The following NKAIN3 variants were observed in gnomAD, a reference collection of about 807,000 sequenced individuals.
NKAIN3 encodes the protein sodium/potassium transporting ATPase interacting 3.
In NKAIN3, 25 loss-of-function variants were observed where a neutral mutation model predicts 30.2. That is an observed-to-expected ratio of 0.83 (90% CI 0.60 to 1.16). The LOEUF (loss-of-function observed/expected upper bound fraction) is 1.16. NKAIN3 is among the 50% of genes most tolerant of loss of function. NKAIN3 has a pLI of 0.00. For synonymous variants in NKAIN3, 91 were observed against 89.6 expected (o/e 1.02, Z -0.09); for missense variants, 225 against 254.1 (o/e 0.89, Z 0.78).
chr8:62,410,863 GA>G (rs35802058), intron 1 of NKAIN3, among the ~76,000 whole-genome samples: 2 of 151,390 alleles, frequency 1.3e-5, no homozygotes, highest in African/African-American at 4.9e-5. Context: ...AATTGAGTCA[GA>G]AAAAAAACAA....
intron 1 of NKAIN3, among the ~76,000 whole-genome samples, chr8:62,466,778 T>C (rs2129599802): frequency 6.6e-6 from 1 of 152,324 alleles, no homozygotes; most frequent in South Asian, 2.1e-4. Context: ...ATGCATATTC[T>C]TCTTTTGCAA....
At chr8:62,718,127 T>C (rs1006916551) in intron 3 of NKAIN3, among the ~76,000 whole-genome samples, 5 of 152,104 alleles carry the variant, frequency 3.3e-5, no homozygotes, top group Admixed American at 1.3e-4. Flanking sequence ...ATCACGAGAA[T>C]AGCATGAGAA....
At chr8:62,622,377 T>A (rs1811644188) in intron 3 of NKAIN3, among the ~76,000 whole-genome samples, 1 of 152,076 alleles carries the variant, frequency 6.6e-6, no homozygotes, top group South Asian at 2.1e-4. Flanking sequence ...TTTTCTAGAA[T>A]GACTGTACCA....
chr8:62,860,228 A>G (rs774188459), intron 4 of NKAIN3, among the ~76,000 whole-genome samples: 2 of 152,186 alleles, frequency 1.3e-5, no homozygotes, highest in African/African-American at 2.4e-5. Context: ...TACAGGCCAC[A>G]TGGTATGGTA....
intron 1 of NKAIN3, among the ~76,000 whole-genome samples, chr8:62,465,751 G>A (rs1336239713): frequency 2.0e-5 from 3 of 152,096 alleles, no homozygotes; most frequent in Non-Finnish European, 4.4e-5. Flanking sequence ...TTTAGGGCAC[G>A]GTAGCTCACG....
intron 3 of NKAIN3, among the ~76,000 whole-genome samples, chr8:62,671,937 G>C (rs921282718): frequency 6.6e-6 from 1 of 152,104 alleles, no homozygotes; most frequent in Non-Finnish European, 1.5e-5. Context: ...GGTCTGACTG[G>C]TCTGGATTAG....
intron 1 of NKAIN3, among the ~76,000 whole-genome samples, chr8:62,359,678 G>A (rs1816485296): frequency 6.6e-6 from 1 of 152,154 alleles, no homozygotes; most frequent in Non-Finnish European, 1.5e-5. Flanking sequence ...GTCTTTTGTT[G>A]GAAGCCAGAG....
intron 1 of NKAIN3, among the ~76,000 whole-genome samples, chr8:62,413,112 C>CA (rs1264669637): frequency 3.9e-5 from 6 of 151,994 alleles, no homozygotes; most frequent in African/African-American, 1.5e-4. Flanking sequence ...TCACACCAGT[C>CA]AAAATGACTA....
In NKAIN3 at chr8:62,972,544, G is replaced by A. The variant is rs983623291; in HGVS notation, c.*7137G>A. On this transcript the variant is annotated 3_prime_UTR_variant, in exon 7 of 7. Transcript: ENST00000623646. Reference sequence around the variant, plus strand: ...TGTCTCTCTCTGAATCAAGTTCGTCGTCTATTTACGTGCTTCTCAGTTGAC... The same window carrying A: ...TGTCTCTCTCTGAATCAAGTTCGTCATCTATTTACGTGCTTCTCAGTTGAC... Among the ~76,000 whole-genome samples the A allele has an allele frequency of 2.0e-5, 3 of 152,088 alleles. No individual in the cohort carries two copies. The highest frequency in any genetic ancestry group is 4.1e-4 in the South Asian group (2 of 4,824).
intron 1 of NKAIN3, among the ~76,000 whole-genome samples, chr8:62,552,140 T>G (rs773618222): frequency 2.0e-5 from 3 of 152,216 alleles, no homozygotes; most frequent in African/African-American, 7.2e-5. Context: ...TGATTATTGT[T>G]TGAGCTACAT....
intron 5 of NKAIN3, among the ~76,000 whole-genome samples, chr8:62,950,139 C>T (rs754574619): frequency 9.2e-5 from 14 of 152,084 alleles, no homozygotes; most frequent in Non-Finnish European, 1.9e-4. Flanking sequence ...GAAGGTCTTT[C>T]CTAATGAGTT....
chr8:62,985,075 C>T (rs1381187193), downstream of NKAIN3, among the ~76,000 whole-genome samples: 4 of 152,136 alleles, frequency 2.6e-5, no homozygotes, highest in Non-Finnish European at 1.5e-5. Flanking sequence ...GAAACCTGGT[C>T]CCTCCCCTAG....
intron 1 of NKAIN3, among the ~76,000 whole-genome samples, chr8:62,439,259 G>C (rs986968375): frequency 6.6e-5 from 10 of 152,172 alleles, no homozygotes; most frequent in African/African-American, 2.4e-4. Flanking sequence ...TAAGGAATCT[G>C]TCCACAACTA....
intron 1 of NKAIN3, among the ~76,000 whole-genome samples, chr8:62,411,586 A>C (rs534234317): frequency 1.3e-5 from 2 of 152,356 alleles, no homozygotes; most frequent in Non-Finnish European, 2.9e-5. Flanking sequence ...AATTAAAGGC[A>C]TCGAAATAGG....
intron 1 of NKAIN3, among the ~76,000 whole-genome samples, chr8:62,430,133 A>G (rs185737939): frequency 3.9e-5 from 6 of 151,902 alleles, no homozygotes; most frequent in Admixed American, 1.3e-4. Flanking sequence ...ATTTCACATA[A>G]CATGATGTTC....
chr8:62,622,088 T>A (rs960750166), intron 3 of NKAIN3, among the ~76,000 whole-genome samples: 1 of 152,058 alleles, frequency 6.6e-6, no homozygotes, highest in Non-Finnish European at 1.5e-5. Context: ...TCATTCAGGA[T>A]AACTCTCCAT....
At chr8:62,318,402 T>C (rs1187008765) in intron 1 of NKAIN3, among the ~76,000 whole-genome samples, 1 of 152,234 alleles carries the variant, frequency 6.6e-6, no homozygotes, top group African/African-American at 2.4e-5. Context: ...CTTCCAGTTT[T>C]TGCCCATTCA....
intron 4 of NKAIN3, among the ~76,000 whole-genome samples, chr8:62,888,468 G>A (rs1175188839): frequency 6.6e-6 from 1 of 152,124 alleles, no homozygotes; most frequent in Non-Finnish European, 1.5e-5. Context: ...ACGGTCCAAA[G>A]TTTTCTACCC....
rs535234937 is a variant in NKAIN3, at chr8:62,541,091, C to T, written c.55-38448C>T. 6.6e-5 allele frequency among the ~76,000 whole-genome samples: 10 copies of T among 152,128 alleles called. No homozygotes were observed. In the South Asian group the frequency reaches 1.0e-3, roughly 16 times the overall value. Reference sequence around the variant, plus strand: ...TTGGGAGGCTGAGGTGGGGGGATCACTTGAGGTCAGGAGTTCAAGACCAGC... The same window carrying T: ...TTGGGAGGCTGAGGTGGGGGGATCATTTGAGGTCAGGAGTTCAAGACCAGC... On this transcript the variant is annotated intron_variant, in intron 1 of 6. Transcript: ENST00000623646.
Sources: allele counts gnomAD v4.1 joint callset (sites outside exome capture counted in the v4.1 genomes callset), GRCh38; gene constraint gnomAD v4.1.1; transcripts MANE v1.5; gene names NCBI Gene and HGNC (gene_info 2026-07-23, HGNC 2026-07-21).